RAB11FIP2: variants seen among roughly 807,000 people sequenced by gnomAD.
RAB11FIP2 encodes rab11 family-interacting protein 2.
In RAB11FIP2, 16 loss-of-function variants were observed where a neutral mutation model predicts 40.9. The observed-to-expected ratio is 0.39, with a 90% confidence interval of 0.26 to 0.59. The LOEUF (loss-of-function observed/expected upper bound fraction) is 0.59, where lower values mean the gene tolerates loss of function less well. Ranked by LOEUF, RAB11FIP2 falls within the 20% of genes least tolerant of loss-of-function variation. The pLI is 0.53. For missense variants in RAB11FIP2, 532 were observed against 606.2 expected (o/e 0.88, Z 1.28); for synonymous variants, 228 against 213.7 (o/e 1.07, Z -0.58).
intron 3 of RAB11FIP2, among the ~76,000 whole-genome samples, chr10:118,026,027 T>C (rs1404824566): frequency 6.6e-6 from 1 of 152,192 alleles, no homozygotes; most frequent in Non-Finnish European, 1.5e-5. Flanking sequence ...TGTATCAGAG[T>C]ATCAACATAA....
chr10:118,036,038 G>C (rs558423711), intron 3 of RAB11FIP2, among the ~76,000 whole-genome samples: 2 of 151,972 alleles, frequency 1.3e-5, no homozygotes, highest in Admixed American at 1.3e-4. Context: ...TTCTTCAGGC[G>C]GACTTTACTT....
At chr10:118,022,733 G>T (rs928133995) in intron 3 of RAB11FIP2, among the ~76,000 whole-genome samples, 1 of 152,164 alleles carries the variant, frequency 6.6e-6, no homozygotes, top group Non-Finnish European at 1.5e-5. Flanking sequence ...CTTAAAGGAA[G>T]GAACCATATC....
chr10:118,031,262 T>C (rs1846410498), intron 3 of RAB11FIP2, among the ~76,000 whole-genome samples: 1 of 152,114 alleles, frequency 6.6e-6, no homozygotes, highest in African/African-American at 2.4e-5. Context: ...AAAAAGTCCA[T>C]TGGGACATTA....
At chr10:118,024,981 C>A (rs1846326646) in intron 3 of RAB11FIP2, among the ~76,000 whole-genome samples, 2 of 152,096 alleles carry the variant, frequency 1.3e-5, no homozygotes, top group Non-Finnish European at 2.9e-5. Context: ...TTCCAGGGGC[C>A]CCCCAGTTGG....
intron 3 of RAB11FIP2, among the ~76,000 whole-genome samples, chr10:118,029,693 T>G (rs1050992364): frequency 3.9e-5 from 6 of 152,100 alleles, no homozygotes; most frequent in Non-Finnish European, 7.4e-5. Context: ...GTAGCACCAC[T>G]GAGACAGCAG....
chr10:118,039,584 T>A, intron 2 of RAB11FIP2, 144 bp from the exon 3 acceptor site: 1 of 714,220 alleles, frequency 1.4e-6, no homozygotes, highest in Admixed American at 2.9e-5. Context: ...AAGGAAACAA[T>A]CTTAAAATGC....
At chr10:118,043,115 A>G (rs1846582449) in intron 1 of RAB11FIP2, among the ~76,000 whole-genome samples, 1 of 152,144 alleles carries the variant, frequency 6.6e-6, no homozygotes. Context: ...GCACAGGTCC[A>G]TGTTCAAAAA....
chr10:118,017,736 G>A (rs1846238509), intron 3 of RAB11FIP2: 1 of 152,146 alleles, frequency 6.6e-6, no homozygotes, highest in Non-Finnish European at 1.5e-5. Flanking sequence ...GTATCCTTGA[G>A]ATTGAACAGT....
At position 118,009,113 on chromosome 10, in the gene RAB11FIP2, C is replaced by A. The variant is rs142779822; in HGVS notation, c.1424G>T (p.Arg475Leu). The A allele has an allele frequency of 6.2e-6, 10 of 1,613,430 alleles. No homozygotes were observed. The African/African-American group carries it at 1.2e-4, about 19-fold the overall frequency. ...GTTGTCGATGTAGTCCTCGAGTTCCCGGATGTGGGTGTCTTTCCTCCTAAG... is the reference window on the plus strand; with the variant it reads ...GTTGTCGATGTAGTCCTCGAGTTCCAGGATGTGGGTGTCTTTCCTCCTAAG... The part of the protein sequence containing the change: ...ELLRRKDTHI[R>L]ELEDYIDNLL... The change falls in exon 5 of 5, where the codon CGG (arginine) becomes CTG (leucine). Residue 475 changes from arginine (R) to leucine (L), a missense_variant. Arg to Leu is a moderately radical substitution (Grantham distance 102). Transcript: ENST00000355624.
intron 4 of RAB11FIP2, among the ~76,000 whole-genome samples, chr10:118,012,998 A>G (rs1366339892): frequency 6.6e-6 from 1 of 152,124 alleles, no homozygotes; most frequent in African/African-American, 2.4e-5. Context: ...AGAATTTTAA[A>G]TAATACAGTT....
At chr10:118,038,231 C>T (rs1021025854) in intron 3 of RAB11FIP2, among the ~76,000 whole-genome samples, 2 of 151,234 alleles carry the variant, frequency 1.3e-5, no homozygotes, top group African/African-American at 4.8e-5. Context: ...AGCATATCTA[C>T]ACTTATATCT....
rs542111998 is a variant in RAB11FIP2 at position 118,012,870 on chromosome 10, T to A, written c.1311+2195A>T. ...GTAAATTTTTCTTCTCTCTTCCCCT[T>A]TTACAACCAACCTTTTCTCATTTCT... On this transcript the variant is annotated intron_variant, in intron 4 of 4. Coordinates refer to ENST00000355624, the MANE Select transcript of RAB11FIP2 (RefSeq NM_014904.3). Among the ~76,000 whole-genome samples, 3 of 152,180 alleles carry A rather than the reference T, an allele frequency of 2.0e-5. No individual in the cohort carries two copies. In the South Asian group the frequency reaches 6.2e-4, roughly 32 times the overall value.
At chr10:118,022,808 T>A (rs188743165) in intron 3 of RAB11FIP2, among the ~76,000 whole-genome samples, 1 of 152,130 alleles carries the variant, frequency 6.6e-6, no homozygotes, top group African/African-American at 2.4e-5. Flanking sequence ...AACAAAAGTA[T>A]GCTGAATACA....
intron 4 of RAB11FIP2, 103 bp from the exon 5 acceptor site, chr10:118,009,328 G>A: frequency 9.2e-7 from 1 of 1,090,978 alleles, no homozygotes; most frequent in Non-Finnish European, 1.3e-6. Context: ...CCCTGATGAA[G>A]TTTTTCGCTA....
chr10:118,029,371 T>C (rs1300920003), intron 3 of RAB11FIP2, among the ~76,000 whole-genome samples: 1 of 152,190 alleles, frequency 6.6e-6, no homozygotes, highest in Non-Finnish European at 1.5e-5. Flanking sequence ...CTAGTTTCCC[T>C]GTCTCAAGTC....
intron 3 of RAB11FIP2, among the ~76,000 whole-genome samples, chr10:118,028,044 A>C (rs1846366434): frequency 6.6e-6 from 1 of 152,052 alleles, no homozygotes; most frequent in East Asian, 1.9e-4. Context: ...ATTATAGGTT[A>C]TTTCTTACAT....
intron 2 of RAB11FIP2, 72 bp downstream of exon 2, chr10:118,040,051 A>C: frequency 7.1e-7 from 1 of 1,418,434 alleles, no homozygotes; most frequent in Non-Finnish European, 9.5e-7. Flanking sequence ...TGATTTACTA[A>C]ATTTAGAAAT....
At chr10:118,028,558 T>G (rs1275217192) in intron 3 of RAB11FIP2, among the ~76,000 whole-genome samples, 3 of 152,078 alleles carry the variant, frequency 2.0e-5, no homozygotes, top group Non-Finnish European at 4.4e-5. Flanking sequence ...TATACAGGAA[T>G]GCTACCTGTA....
At chr10:118,025,315 G>C (rs554580563) in intron 3 of RAB11FIP2, among the ~76,000 whole-genome samples, 1 of 152,218 alleles carries the variant, frequency 6.6e-6, no homozygotes, top group African/African-American at 2.4e-5. Context: ...ACTATTCAAA[G>C]AACAGCTAAA....
Sources: gnomAD v4.1 joint callset for allele counts (sites outside exome capture counted in the v4.1 genomes callset) on GRCh38, gnomAD v4.1.1 for gene constraint, MANE v1.5 for transcripts, NCBI Gene and HGNC (gene_info 2026-07-23, HGNC 2026-07-21) for gene names.